IGSF10: variants seen among roughly 807,000 people sequenced by gnomAD.
IGSF10 encodes the protein calvaria mechanical force protein 608.
In IGSF10, 126 loss-of-function variants were observed where a neutral mutation model predicts 128.2. The ratio of observed to expected loss-of-function variants is 0.98; its 90% confidence interval spans 0.85 to 1.14. The LOEUF is 1.14. Among genes scored for constraint, IGSF10 ranks in the 50% most tolerant of loss-of-function variants. The probability of loss-of-function intolerance (pLI) is 0.00; values close to 1 mark genes in which losing one functional copy is unlikely to be tolerated. For synonymous variants in IGSF10, 1,185 were observed against 1,146.2 expected (o/e 1.03, Z -0.68); for missense variants, 3,295 against 3,149.8 (o/e 1.05, Z -1.10).
the IGSF10 span, among the ~76,000 whole-genome samples, chr3:151,543,487 G>C: frequency 6.6e-6 from 1 of 152,102 alleles, no homozygotes. Flanking sequence ...GCAAGAGCAC[G>C]AGCAGTGTTG....
the IGSF10 span, among the ~76,000 whole-genome samples, chr3:151,587,706 C>G: frequency 6.6e-6 from 1 of 152,138 alleles, no homozygotes; most frequent in Non-Finnish European, 1.5e-5. Flanking sequence ...CCCATAATTC[C>G]CACATGTCAT....
the IGSF10 span, among the ~76,000 whole-genome samples, chr3:151,538,542 T>C: frequency 2.6e-5 from 4 of 152,238 alleles, no homozygotes; most frequent in Admixed American, 6.5e-5. Flanking sequence ...GGATTATTCA[T>C]TGGAATATAA....
the IGSF10 span, among the ~76,000 whole-genome samples, chr3:151,547,019 C>G: frequency 6.6e-6 from 1 of 152,062 alleles, no homozygotes; most frequent in Non-Finnish European, 1.5e-5. Context: ...GATCCACCCC[C>G]CCCTTGGCCT....
At chr3:151,599,729 A>G in the IGSF10 span, among the ~76,000 whole-genome samples, 1 of 152,212 alleles carries the variant, frequency 6.6e-6, no homozygotes, top group East Asian at 1.9e-4. Flanking sequence ...AAATTTTGTC[A>G]ATTAAAGAAT....
At chr3:151,467,336 A>G in the IGSF10 span, among the ~76,000 whole-genome samples, 2 of 152,172 alleles carry the variant, frequency 1.3e-5, no homozygotes, top group Non-Finnish European at 2.9e-5. Context: ...CTTTCACTCC[A>G]TGGTCTAAAA....
Position 151,446,855 on chromosome 3 carries a change from T to G in IGSF10, c.3126A>C (p.Thr1042=). ...RRHRYSIFRS[T]TRGSSEKSTT... is the part of the protein sequence containing the mutation. ...TGCTTTTTTCAGAAGAACCTCTGGT[T>G]GTTGACCTGAAAATGCTGTATCTAT... The change falls in exon 6 of 8, where the codon ACA becomes ACC. Residue 1042 remains threonine, a synonymous_variant. Transcript: ENST00000282466. 6.2e-7 allele frequency: 1 copy of G among 1,614,184 alleles called. No individual in the cohort carries two copies.
the IGSF10 span, among the ~76,000 whole-genome samples, chr3:151,574,567 T>A: frequency 3.9e-5 from 6 of 152,208 alleles, no homozygotes; most frequent in African/African-American, 1.4e-4. Context: ...TTCAGCTCCA[T>A]TAGGTCATTT....
the IGSF10 span, among the ~76,000 whole-genome samples, chr3:151,613,098 A>G: frequency 6.6e-6 from 1 of 152,210 alleles, no homozygotes; most frequent in African/African-American, 2.4e-5. Flanking sequence ...TAATTGCTTC[A>G]AAGAGAATAA....
the IGSF10 span, among the ~76,000 whole-genome samples, chr3:151,509,619 G>T: frequency 6.6e-6 from 1 of 152,222 alleles, no homozygotes; most frequent in African/African-American, 2.4e-5. Context: ...GGGAGTGCCG[G>T]ACAGTGTGTG....
upstream of IGSF10, chr3:151,461,436 G>T: frequency 6.1e-6 from 6 of 983,966 alleles, no homozygotes; most frequent in Non-Finnish European, 7.2e-6. Context: ...TACCTGCAGT[G>T]TCAATGTTTT....
At chr3:151,465,590 C>A (rs1443286201), upstream of IGSF10, among the ~76,000 whole-genome samples, 1 of 152,164 alleles carries the variant, frequency 6.6e-6, no homozygotes, top group African/African-American at 2.4e-5. Context: ...TACTATATAA[C>A]ATATTAGTGA....
the IGSF10 span, among the ~76,000 whole-genome samples, chr3:151,521,310 G>A: frequency 3.2e-4 from 48 of 151,470 alleles, no homozygotes; most frequent in African/African-American, 9.9e-4. Flanking sequence ...TTAGATCACC[G>A]AGTCAGAAAA....
intron 7 of IGSF10, chr3:151,440,747 ATG>A: frequency 2.3e-6 from 1 of 435,996 alleles, no homozygotes; most frequent in Non-Finnish European, 4.7e-6. Context: ...TTGACTTAAT[ATG>A]TGTGCAGCAT....
the IGSF10 span, among the ~76,000 whole-genome samples, chr3:151,500,053 G>C: frequency 6.6e-6 from 1 of 152,058 alleles, no homozygotes; most frequent in Non-Finnish European, 1.5e-5. Flanking sequence ...ATAGCAGCAT[G>C]ATCATTTAAT....
chr3:151,580,226 A>G, the IGSF10 span, among the ~76,000 whole-genome samples: 1 of 152,254 alleles, frequency 6.6e-6, no homozygotes, highest in East Asian at 1.9e-4. Flanking sequence ...TCCAGAAATC[A>G]ATGCCCAGTT....
At chr3:151,483,930 A>G in the IGSF10 span, among the ~76,000 whole-genome samples, 2 of 152,144 alleles carry the variant, frequency 1.3e-5, no homozygotes, top group Non-Finnish European at 2.9e-5. Context: ...CCCCAGTGGC[A>G]CCTGGAACAC....
At chr3:151,502,001 T>C in the IGSF10 span, among the ~76,000 whole-genome samples, 3 of 152,062 alleles carry the variant, frequency 2.0e-5, no homozygotes, top group East Asian at 1.9e-4. Context: ...TTTACAGACC[T>C]AAAAGCTGTT....
chr3:151,444,945 G>A lies in IGSF10; in HGVS notation c.5036C>T (p.Thr1679Ile). Reference sequence around the variant, plus strand: ...TGATGGGACTCTGGTCCAATGAATGGTGGGCAGGGGATTTCCAACAGCTTC... The same window carrying A: ...TGATGGGACTCTGGTCCAATGAATGATGGGCAGGGGATTTCCAACAGCTTC... Reference protein sequence around the residue: ...PCEAVGNPLPTIHWTRVPSGL... With the variant: ...PCEAVGNPLPIIHWTRVPSGL... The change falls in exon 6 of 8, where the codon ACC becomes ATC. Residue 1679 changes from threonine to isoleucine, a missense_variant. By Grantham distance (89) the Thr-to-Ile change is moderately conservative. Coordinates refer to ENST00000282466, the MANE Select transcript of IGSF10 (RefSeq NM_178822.5). 6.2e-7 allele frequency: 1 copy of A among 1,610,820 alleles called. No individual in the cohort carries two copies. The highest frequency in any genetic ancestry group is 8.5e-7 in the Non-Finnish European group (1 of 1,178,976).
intron 3 of IGSF10, among the ~76,000 whole-genome samples, chr3:151,457,863 C>T (rs1473911853): frequency 6.6e-6 from 1 of 152,096 alleles, no homozygotes; most frequent in Non-Finnish European, 1.5e-5. Flanking sequence ...GTACATTTGT[C>T]TGGTCTTTTT....
Sources: gnomAD v4.1 joint callset for allele counts (sites outside exome capture counted in the v4.1 genomes callset) on GRCh38, gnomAD v4.1.1 for gene constraint, MANE v1.5 for transcripts, NCBI Gene and HGNC (gene_info 2026-07-23, HGNC 2026-07-21) for gene names.